ADHFE1: variants seen among roughly 807,000 people sequenced by gnomAD.
The protein encoded by ADHFE1 is alcohol dehydrogenase iron containing 1.
Under a neutral mutation model 54.8 loss-of-function variants are expected in ADHFE1, and 37 were observed. That is an observed-to-expected ratio of 0.68 (90% CI 0.52 to 0.89). ADHFE1 has a LOEUF of 0.89. Among genes scored for constraint, ADHFE1 ranks in the 40% least tolerant of loss-of-function variants. The pLI is 0.00. For synonymous variants in ADHFE1, 203 were observed against 229.3 expected (o/e 0.89, Z 1.04); for missense variants, 601 against 591.2 (o/e 1.02, Z -0.17).
chr8:66,465,729 A>G (rs1807139905), intron 13 of ADHFE1, among the ~76,000 whole-genome samples: 1 of 151,834 alleles, frequency 6.6e-6, no homozygotes, highest in South Asian at 2.1e-4. Context: ...CCTCCTGAGT[A>G]ACTGGGACTA....
intron 9 of ADHFE1, 189 bp from the exon 10 acceptor site, chr8:66,453,870 G>T: frequency 1.2e-5 from 18 of 1,472,428 alleles, no homozygotes; most frequent in East Asian, 2.7e-5. Context: ...TGAAACAGTT[G>T]ATGAGAAATA....
chr8:66,457,285 C>A, intron 12 of ADHFE1, 119 bp downstream of exon 12: 2 of 830,176 alleles, frequency 2.4e-6, no homozygotes, highest in Non-Finnish European at 3.7e-6. Context: ...TCAAGACCAG[C>A]CTGGGCAACA....
intron 9 of ADHFE1, chr8:66,453,788 G>C (rs1251257814): frequency 1.4e-6 from 2 of 1,422,264 alleles, no homozygotes; most frequent in Non-Finnish European, 1.9e-6. Context: ...GCCATCCAGG[G>C]ACCAGCGCGT....
At chr8:66,460,526 G>A (rs1340410309) in intron 13 of ADHFE1, 61 bp downstream of exon 13, 1 of 1,511,344 alleles carries the variant, frequency 6.6e-7, no homozygotes, top group Non-Finnish European at 8.9e-7. Flanking sequence ...AGAAAGACAT[G>A]CTGCATTGAT....
intron 1 of ADHFE1, among the ~76,000 whole-genome samples, chr8:66,436,417 C>T (rs1376692456): frequency 6.6e-6 from 1 of 151,964 alleles, no homozygotes; most frequent in Non-Finnish European, 1.5e-5. Context: ...GTGAAGCATA[C>T]CTGGGTATGG....
intron 3 of ADHFE1, 76 bp downstream of exon 3, chr8:66,442,920 T>G: frequency 8.3e-7 from 1 of 1,204,794 alleles, no homozygotes; most frequent in Admixed American, 2.5e-5. Flanking sequence ...GCTAATGAAT[T>G]ATTATTTTAT....
At chr8:66,433,929 A>G (rs1046784866) in intron 1 of ADHFE1, among the ~76,000 whole-genome samples, 5 of 152,202 alleles carry the variant, frequency 3.3e-5, no homozygotes, top group African/African-American at 1.2e-4. Context: ...TTTATATCCC[A>G]TGGAATCAGT....
At chr8:66,454,874 C>A (rs1293001394) in intron 10 of ADHFE1, among the ~76,000 whole-genome samples, 2 of 152,062 alleles carry the variant, frequency 1.3e-5, no homozygotes, top group South Asian at 2.1e-4. Flanking sequence ...CCACCATGCC[C>A]AGCTAATTTT....
intron 9 of ADHFE1, among the ~76,000 whole-genome samples, chr8:66,453,254 G>A (rs541107380): frequency 6.6e-6 from 1 of 152,272 alleles, no homozygotes; most frequent in South Asian, 2.1e-4. Flanking sequence ...AACTAACATG[G>A]GGTTTCAGAA....
At chr8:66,462,148 G>A (rs1175812278) in intron 13 of ADHFE1, among the ~76,000 whole-genome samples, 1 of 152,214 alleles carries the variant, frequency 6.6e-6, no homozygotes, top group Non-Finnish European at 1.5e-5. Flanking sequence ...CCTCTGTCTA[G>A]GTAAGCTTTA....
chr8:66,460,339 T>C lies in ADHFE1; in HGVS notation c.1194T>C (p.Asp398=), dbSNP rs781021749. Residue 398 remains aspartate, a synonymous_variant, in exon 13 of 14, where the codon GAT becomes GAC. Transcript: ENST00000396623. ...ACACCCGCACTGCCAGGATCCAAGA[T>C]GCAGGGCTGGTGTTGGCAGACACGC... ...GADTRTARIQ[D]AGLVLADTLR... The C allele has an allele frequency of 1.9e-6, 3 of 1,614,090 alleles. No individual in the cohort carries two copies. The Admixed American group carries it at 5.0e-5, about 27-fold the overall frequency.
At position 66,432,538 on chromosome 8, in the gene ADHFE1, C is replaced by T. The variant is rs763322017; in HGVS notation, c.22C>T (p.Arg8Trp). MAAAARARVAYLLRQLQR... is the reference protein window; with the variant it reads MAAAARAWVAYLLRQLQR... ...CGCCATGGCCGCTGCCGCCCGAGCC[C>T]GGGTCGCGTACTTGCTGAGGCAACT... The change falls in exon 1 of 14, where the codon CGG becomes TGG. Residue 8 changes from arginine (R) to tryptophan (W), a missense_variant. Transcript: ENST00000396623. 44 of 1,358,330 alleles carry T rather than the reference C, an allele frequency of 3.2e-5. No homozygotes were observed. In the East Asian group the frequency reaches 1.1e-3, roughly 35 times the overall value. 84.1% of individuals were successfully genotyped at this position (1,358,330 alleles called of 1,614,324 possible).
Position 66,438,948 on chromosome 8 carries a change from T to C in ADHFE1, c.60-1214T>C, listed in dbSNP as rs542747469. On this transcript the variant is annotated intron_variant, in intron 1 of 13. Transcript: ENST00000396623. ...CACGTTGGAAAGTTTTGAGTTTGGA[T>C]TTTTTTTTCCTTCCCTTGGCTCACT... Among the ~76,000 whole-genome samples the C allele has an allele frequency of 4.7e-5, 7 of 150,130 alleles. No individual in the cohort carries two copies. In the East Asian group the frequency reaches 1.4e-3, roughly 29 times the overall value.
intron 12 of ADHFE1, among the ~76,000 whole-genome samples, chr8:66,457,814 T>C (rs966134858): frequency 1.3e-5 from 2 of 152,154 alleles, no homozygotes; most frequent in Non-Finnish European, 2.9e-5. Flanking sequence ...CAAGGGAAAG[T>C]ATAATTATTT....
At chr8:66,444,854 A>G (rs919042225) in intron 5 of ADHFE1, 106 bp downstream of exon 5, 1 of 1,376,364 alleles carries the variant, frequency 7.3e-7, no homozygotes, top group African/African-American at 1.4e-5. Context: ...TAATCCCAGC[A>G]CTTTGGGAGG....
chr8:66,460,488 A>T (rs1190473782), intron 13 of ADHFE1, 23 bp downstream of exon 13: 1 of 1,549,122 alleles, frequency 6.5e-7, no homozygotes, highest in African/African-American at 1.4e-5. Context: ...CAGGCTCCTC[A>T]CTCCCTGCGA....
chr8:66,434,313 G>A (rs1243234254), intron 1 of ADHFE1, among the ~76,000 whole-genome samples: 1 of 152,198 alleles, frequency 6.6e-6, no homozygotes, highest in African/African-American at 2.4e-5. Flanking sequence ...GGTACATTCA[G>A]ATGGAGACCC....
At chr8:66,445,066 A>C in intron 5 of ADHFE1, 152 bp from the exon 6 acceptor site, 1 of 752,490 alleles carries the variant, frequency 1.3e-6, no homozygotes. Context: ...GTGCTACTGC[A>C]CTGCAGCCTG....
At chr8:66,458,709 G>T (rs1806726949) in intron 12 of ADHFE1, among the ~76,000 whole-genome samples, 1 of 152,112 alleles carries the variant, frequency 6.6e-6, no homozygotes, top group Non-Finnish European at 1.5e-5. Flanking sequence ...AAGTTTTAAT[G>T]TTATCTACAC....
Sources: gnomAD v4.1 joint callset for allele counts (sites outside exome capture counted in the v4.1 genomes callset) on GRCh38, gnomAD v4.1.1 for gene constraint, MANE v1.5 for transcripts, NCBI Gene and HGNC (gene_info 2026-07-23, HGNC 2026-07-21) for gene names.